Variants in GALNT1 observed in about 807,000 individuals in gnomAD.
The protein encoded by GALNT1 is polypeptide N-acetylgalactosaminyltransferase 1, also known as GalNAc transferase 1.
A neutral mutation model predicts 65.7 loss-of-function variants in GALNT1; 17 were observed. The ratio of observed to expected loss-of-function variants is 0.26; its 90% confidence interval spans 0.18 to 0.39. The LOEUF is 0.39. GALNT1 is among the 10% of genes least tolerant of loss of function. The probability of loss-of-function intolerance (pLI) is 1.00; values close to 1 mark genes in which losing one functional copy is unlikely to be tolerated. For synonymous variants in GALNT1, 210 were observed against 219.7 expected (o/e 0.96, Z 0.39); for missense variants, 460 against 672.8 (o/e 0.68, Z 3.50).
chr18:35,594,020 A>G (rs2046475789), intron 1 of GALNT1, among the ~76,000 whole-genome samples: 2 of 142,708 alleles, frequency 1.4e-5, no homozygotes, highest in South Asian at 4.3e-4. Context: ...TATAATACAA[A>G]TCTTGATTTT....
At position 35,663,762 on chromosome 18, in the gene GALNT1, A is replaced by C. The variant is rs2047508592; in HGVS notation, c.274A>C (p.Ile92Leu). 1 of 1,613,854 alleles carries C rather than the reference A, an allele frequency of 6.2e-7. No individual in the cohort carries two copies. Among genetic ancestry groups the C allele is most frequent in the Non-Finnish European group, 8.5e-7 (1 of 1,179,926 alleles). ...GTTCAATTTAATGGCAAGTGAGATG[A>C]TTGCACTCAACAGATCTTTACCAGA... ...NQFNLMASEM[I>L]ALNRSLPDVR... The change falls in exon 3 of 12, where the codon ATT becomes CTT. Residue 92 changes from isoleucine (I) to leucine (L), a missense_variant. Physicochemically the swap from Ile to Leu is conservative, Grantham distance 5. Coordinates refer to ENST00000269195, the MANE Select transcript of GALNT1 (RefSeq NM_020474.4).
In GALNT1 at chr18:35,644,259, A is replaced by G. The variant is rs544725795; in HGVS notation, c.-103-10301A>G. ...ATTATTTGCTAATTTTTTGTTAAATACTTATGTTGAATAAGAAGATTCCAA... is the reference window on the plus strand; with the variant it reads ...ATTATTTGCTAATTTTTTGTTAAATGCTTATGTTGAATAAGAAGATTCCAA... On this transcript the variant is annotated intron_variant, in intron 1 of 11. Transcript: ENST00000269195. Among the ~76,000 whole-genome samples, 101 of 152,338 alleles carry G rather than the reference A, an allele frequency of 6.6e-4. 1 individual carries two copies. Among genetic ancestry groups the G allele is most frequent in the Non-Finnish European group, 9.6e-4 (65 of 68,034 alleles).
Position 35,689,246 on chromosome 18 carries a change from G to C in GALNT1, c.934G>C (p.Gly312Arg). 3 of 1,610,886 alleles carry C rather than the reference G, an allele frequency of 1.9e-6. No individual in the cohort carries two copies. Among genetic ancestry groups the C allele is most frequent in the Non-Finnish European group, 2.5e-6 (3 of 1,178,790 alleles). Residue 312 changes from glycine (G) to arginine (R), a missense_variant, in exon 7 of 12, where the codon GGA becomes CGA. Gly to Arg is a moderately radical substitution (Grantham distance 125). Coordinates refer to ENST00000269195, the MANE Select transcript of GALNT1 (RefSeq NM_020474.4). ...TCAGGAAATTGGAACATATGATGCT[G>C]GAATGGATATTTGGGGAGGAGAAAA... ...YFQEIGTYDAGMDIWGGENLE... is the reference protein window; with the variant it reads ...YFQEIGTYDARMDIWGGENLE...
rs1163315605 is a variant in GALNT1, at chr18:35,598,018, CCTCCA to C, written c.-104+16157_-104+16161del. ...CCTCCCCTCCCCTCCCCTCCCCTCC[CCTCCA>C]ATCCCCTCCCATCCCCTCCCCTCCC... is the stretch of plus-strand genomic sequence containing the variant. On this transcript the variant is annotated intron_variant, in intron 1 of 11. Transcript: ENST00000269195. Among the ~76,000 whole-genome samples the C allele has an allele frequency of 6.0e-4, 34 of 56,970 alleles. 1 individual carries two copies. The highest frequency in any genetic ancestry group is 1.3e-3 in the Admixed American group (6 of 4,670). 37.4% of individuals were successfully genotyped at this position (56,970 alleles called of 152,430 possible).
At chr18:35,682,908 TAAAAAA>T (rs34199709) in intron 4 of GALNT1, among the ~76,000 whole-genome samples, 5 of 118,486 alleles carry the variant, frequency 4.2e-5, no homozygotes, top group South Asian at 3.1e-4. Flanking sequence ...GCCCCCTGAT[TAAAAAA>T]AAAAAAAAAA....
intron 1 of GALNT1, among the ~76,000 whole-genome samples, chr18:35,642,949 T>C (rs1279842547): frequency 2.0e-5 from 3 of 151,952 alleles, no homozygotes; most frequent in Non-Finnish European, 4.4e-5. Flanking sequence ...CAAGTGGCCT[T>C]CTCCATGTCG....
intron 1 of GALNT1, among the ~76,000 whole-genome samples, chr18:35,617,331 C>G (rs2046796768): frequency 6.6e-6 from 1 of 152,132 alleles, no homozygotes; most frequent in African/African-American, 2.4e-5. Context: ...TGCTTTTGTT[C>G]ACAGAACACC....
chr18:35,627,790 A>AC (rs1286796272), intron 1 of GALNT1, among the ~76,000 whole-genome samples: 1 of 152,176 alleles, frequency 6.6e-6, no homozygotes, highest in Non-Finnish European at 1.5e-5. Context: ...CTCGGGAAGC[A>AC]CAAGGGGTCA....
chr18:35,677,123 T>C (rs933602038), intron 3 of GALNT1, among the ~76,000 whole-genome samples: 7 of 152,202 alleles, frequency 4.6e-5, no homozygotes, highest in African/African-American at 1.4e-4. Context: ...ATCCGTCTTA[T>C]AGAATGACTA....
intron 1 of GALNT1, among the ~76,000 whole-genome samples, chr18:35,594,952 CAG>C: frequency 1.3e-5 from 2 of 152,212 alleles, no homozygotes; most frequent in South Asian, 4.1e-4. Context: ...TTGCTGCTAA[CAG>C]AGGTTTGAGG....
At chr18:35,690,811 T>C (rs558477519) in intron 7 of GALNT1, among the ~76,000 whole-genome samples, 7 of 152,348 alleles carry the variant, frequency 4.6e-5, no homozygotes, top group African/African-American at 1.4e-4. Context: ...ATGTCATATA[T>C]GGTCTTTGCT....
At chr18:35,671,231 T>C (rs1208625645) in intron 3 of GALNT1, among the ~76,000 whole-genome samples, 2 of 152,310 alleles carry the variant, frequency 1.3e-5, no homozygotes, top group East Asian at 3.9e-4. Flanking sequence ...ATATATATTT[T>C]TGAGAGACAG....
chr18:35,593,555 G>A (rs1404539234), intron 1 of GALNT1, among the ~76,000 whole-genome samples: 1 of 152,068 alleles, frequency 6.6e-6, no homozygotes, highest in African/African-American at 2.4e-5. Context: ...ACTGAGGGGT[G>A]ACGGGGGACA....
Position 35,709,904 on chromosome 18 carries a change from T to A in GALNT1, c.*134T>A. 1 of 1,046,060 alleles carries A rather than the reference T, an allele frequency of 9.6e-7. No homozygotes were observed. Among genetic ancestry groups the A allele is most frequent in the Non-Finnish European group, 1.4e-6 (1 of 739,622 alleles). The allele number at this position is 1,046,060 out of a possible 1,614,324, so 64.8% of individuals were successfully genotyped here. ...GCAGGATGTAAGGTTTATCAGCCAT[T>A]AAAACTTAGACTTCTCTAGCTTTTC... On this transcript the variant is annotated 3_prime_UTR_variant, in exon 12 of 12. Transcript: ENST00000269195.
chr18:35,599,218 C>G (rs1449061354), intron 1 of GALNT1, among the ~76,000 whole-genome samples: 2 of 151,944 alleles, frequency 1.3e-5, no homozygotes, highest in African/African-American at 4.8e-5. Flanking sequence ...AGCTTTTTAG[C>G]TTGATGTGCT....
chr18:35,685,112 G>A (rs540173257), intron 5 of GALNT1, among the ~76,000 whole-genome samples: 1 of 152,212 alleles, frequency 6.6e-6, no homozygotes, highest in South Asian at 2.1e-4. Context: ...TGGTATAACT[G>A]TGATATGAAA....
At chr18:35,634,043 C>T (rs974150090) in intron 1 of GALNT1, among the ~76,000 whole-genome samples, 2 of 152,074 alleles carry the variant, frequency 1.3e-5, no homozygotes, top group Admixed American at 1.3e-4. Flanking sequence ...CATTTGAGTT[C>T]TTGTTGTGTA....
chr18:35,698,399 G>T (rs989208572), intron 9 of GALNT1, among the ~76,000 whole-genome samples: 1 of 152,130 alleles, frequency 6.6e-6, no homozygotes, highest in African/African-American at 2.4e-5. Context: ...AACCTTGGGG[G>T]TAGAGGTTGC....
rs190731643 is a variant in GALNT1, at chr18:35,601,744, G to A, written c.-104+19882G>A. On this transcript the variant is annotated intron_variant, in intron 1 of 11. Coordinates refer to ENST00000269195, the MANE Select transcript of GALNT1 (RefSeq NM_020474.4). ...TGTCCTGGAGAATGTTCCATGTGCC[G>A]ATGAAAAGAATATGTATTCTGCAGC... Among the ~76,000 whole-genome samples, 1,091 of 152,220 alleles carry A rather than the reference G, an allele frequency of 7.2e-3. 13 individuals are homozygous for A. The highest frequency in any genetic ancestry group is 0.024 in the African/African-American group (1,012 of 41,534).
Sources: allele counts gnomAD v4.1 joint callset (sites outside exome capture counted in the v4.1 genomes callset), GRCh38; gene constraint gnomAD v4.1.1; transcripts MANE v1.5; gene names NCBI Gene and HGNC (gene_info 2026-07-23, HGNC 2026-07-21).